LINGO2: variants seen among roughly 807,000 people sequenced by gnomAD.
LINGO2 encodes the protein leucine-rich repeat and immunoglobulin-like domain-containing nogo receptor-interacting protein 2.
LINGO2 carries 14 observed loss-of-function variants against 30.6 expected under a neutral mutation model. That is an observed-to-expected ratio of 0.46 (90% CI 0.30 to 0.72). LINGO2 has a LOEUF of 0.72. Ranked by LOEUF, LINGO2 falls within the 30% of genes least tolerant of loss-of-function variation. The pLI is 0.07. For missense variants in LINGO2, 729 were observed against 751.7 expected, an observed-to-expected ratio of 0.97 and a Z score of 0.35; for synonymous variants, 317 against 288.5, an observed-to-expected ratio of 1.10 and a Z score of -1.00.
the LINGO2 span, among the ~76,000 whole-genome samples, chr9:28,685,948 C>A: frequency 6.7e-6 from 1 of 149,274 alleles, no homozygotes; most frequent in South Asian, 2.1e-4. Flanking sequence ...TGTGTGGGTG[C>A]ATGATTTCTT....
At chr9:28,175,106 T>C (rs1246937335) in intron 4 of LINGO2, among the ~76,000 whole-genome samples, 1 of 152,068 alleles carries the variant, frequency 6.6e-6, no homozygotes, top group African/African-American at 2.4e-5. Flanking sequence ...ATAGCAGTTG[T>C]TATCATAGGA....
intron 4 of LINGO2, among the ~76,000 whole-genome samples, chr9:28,237,166 ATGTT>A (rs1043635135): frequency 1.3e-5 from 2 of 150,692 alleles, no homozygotes; most frequent in South Asian, 2.1e-4. Flanking sequence ...TTTTTTTTGC[ATGTT>A]TGTTTGTTTG....
At chr9:28,920,432 C>A in the LINGO2 span, among the ~76,000 whole-genome samples, 2 of 151,942 alleles carry the variant, frequency 1.3e-5, no homozygotes, top group African/African-American at 4.8e-5. Context: ...AAAGTCTGTG[C>A]CTTATGTCAC....
chr9:29,042,570 G>C, the LINGO2 span, among the ~76,000 whole-genome samples: 1 of 151,842 alleles, frequency 6.6e-6, no homozygotes, highest in Admixed American at 6.6e-5. Flanking sequence ...ATTTTCCTTT[G>C]TTGTTTTGCT....
the LINGO2 span, among the ~76,000 whole-genome samples, chr9:29,192,402 T>C: frequency 6.6e-6 from 1 of 152,238 alleles, no homozygotes; most frequent in East Asian, 1.9e-4. Flanking sequence ...ACTACATTTA[T>C]ATTCTTCACA....
chr9:29,005,747 A>G, the LINGO2 span, among the ~76,000 whole-genome samples: 11 of 151,964 alleles, frequency 7.2e-5, no homozygotes, highest in Non-Finnish European at 1.3e-4. Flanking sequence ...CATCCCATGA[A>G]TACTGCATTT....
the LINGO2 span, among the ~76,000 whole-genome samples, chr9:28,860,987 A>T: frequency 1.2e-4 from 15 of 128,396 alleles, no homozygotes; most frequent in Non-Finnish European, 3.1e-5. Flanking sequence ...TAAATCTATA[A>T]TATATTATAT....
chr9:27,963,940 T>A (rs1392963820), intron 5 of LINGO2, among the ~76,000 whole-genome samples: 3 of 151,992 alleles, frequency 2.0e-5, no homozygotes, highest in Non-Finnish European at 4.4e-5. Context: ...GTCTGGAAAA[T>A]CACCAGGGTT....
chr9:28,480,593 G>A (rs961277898), intron 1 of LINGO2, among the ~76,000 whole-genome samples: 1 of 152,138 alleles, frequency 6.6e-6, no homozygotes, highest in South Asian at 2.1e-4. Context: ...CTATTGCCAG[G>A]AGGAAGAATT....
At chr9:28,739,015 C>T in the LINGO2 span, among the ~76,000 whole-genome samples, 5 of 151,890 alleles carry the variant, frequency 3.3e-5, no homozygotes, top group Non-Finnish European at 7.4e-5. Context: ...GGTAATGAAA[C>T]ATTTCTAGGT....
chr9:29,012,276 T>G, the LINGO2 span, among the ~76,000 whole-genome samples: 2 of 151,962 alleles, frequency 1.3e-5, no homozygotes, highest in Admixed American at 6.6e-5. Flanking sequence ...GAACATAGCT[T>G]GAACCCACAA....
At chr9:28,990,052 G>A in the LINGO2 span, among the ~76,000 whole-genome samples, 52 of 152,348 alleles carry the variant, frequency 3.4e-4, no homozygotes, top group Admixed American at 1.2e-3. Flanking sequence ...CAGGACAGTG[G>A]TTGCAGTGCA....
At chr9:28,357,418 G>C (rs1330852386) in intron 3 of LINGO2, among the ~76,000 whole-genome samples, 3 of 148,698 alleles carry the variant, frequency 2.0e-5, no homozygotes, top group Non-Finnish European at 4.4e-5. Flanking sequence ...CAAATATTTA[G>C]TGTAGAATTA....
At chr9:28,907,178 T>G in the LINGO2 span, among the ~76,000 whole-genome samples, 12 of 151,896 alleles carry the variant, frequency 7.9e-5, no homozygotes, top group Non-Finnish European at 1.5e-4. Context: ...TTAATCTGCA[T>G]GATTAAATGT....
At chr9:28,924,915 AC>A in the LINGO2 span, among the ~76,000 whole-genome samples, 1 of 151,906 alleles carries the variant, frequency 6.6e-6, no homozygotes, top group Non-Finnish European at 1.5e-5. Context: ...AAAGATAGCC[AC>A]CCCTTCTCTC....
At chr9:28,133,450 T>C (rs1827431744) in intron 4 of LINGO2, among the ~76,000 whole-genome samples, 1 of 152,160 alleles carries the variant, frequency 6.6e-6, no homozygotes, top group South Asian at 2.1e-4. Context: ...ATATGAGCTC[T>C]GGAAAAAAGT....
chr9:28,117,137 C>T, intron 4 of LINGO2, among the ~76,000 whole-genome samples: 1 of 149,176 alleles, frequency 6.7e-6, no homozygotes, highest in Admixed American at 6.8e-5. Flanking sequence ...ACAGACAGGA[C>T]CCTCAGCTGC....
intron 1 of LINGO2, among the ~76,000 whole-genome samples, chr9:28,570,827 C>T (rs1823652552): frequency 1.3e-5 from 2 of 151,892 alleles, no homozygotes; most frequent in Admixed American, 1.3e-4. Flanking sequence ...CTCTATTGTG[C>T]TATTTCTCAG....
At chr9:27,980,954 A>G (rs914398696) in intron 5 of LINGO2, among the ~76,000 whole-genome samples, 2 of 151,892 alleles carry the variant, frequency 1.3e-5, no homozygotes, top group African/African-American at 4.8e-5. Context: ...ACAGAAATTT[A>G]ATGTATGAAA....
Sources: gnomAD v4.1 joint callset for allele counts (sites outside exome capture counted in the v4.1 genomes callset) on GRCh38, gnomAD v4.1.1 for gene constraint, MANE v1.5 for transcripts, NCBI Gene and HGNC (gene_info 2026-07-23, HGNC 2026-07-21) for gene names.